Variants in KIRREL3 observed in about 807,000 individuals in gnomAD.
KIRREL3 encodes kin of IRRE-like protein 3.
In KIRREL3, 36 loss-of-function variants were observed where a neutral mutation model predicts 89.7. The observed-to-expected ratio is 0.40, with a 90% CI of 0.31 to 0.53. KIRREL3 has a LOEUF of 0.53. Among genes scored for constraint, KIRREL3 ranks in the 20% least tolerant of loss-of-function variants. The pLI is 0.49. For synonymous variants in KIRREL3, 445 were observed against 441.4 expected, an observed-to-expected ratio of 1.01 and a Z score of -0.10; for missense variants, 864 against 1,056.6, an observed-to-expected ratio of 0.82 and a Z score of 2.53.
In KIRREL3 at chr11:126,898,675, C is replaced by A. The variant is rs1266531792; in HGVS notation, c.55+101780G>T. Among the ~76,000 whole-genome samples, 1 of 151,922 alleles carries A rather than the reference C, an allele frequency of 6.6e-6. No homozygotes were observed. The highest frequency in any genetic ancestry group is 1.5e-5 in the Non-Finnish European group (1 of 68,004). Reference sequence around the variant, plus strand: ...GTACTTTACATATATTTTGGAAGACCTTTATCAAACATAGAATAGTTACCT... The same window carrying A: ...GTACTTTACATATATTTTGGAAGACATTTATCAAACATAGAATAGTTACCT... On this transcript the variant is annotated intron_variant, in intron 1 of 16. Transcript: ENST00000525144. This position sits in a 1 kb window ranked among gnomAD's most constrained non-coding sequence, Gnocchi z 4.9.
At chr11:126,556,409 G>C (rs1939708677) in intron 2 of KIRREL3, among the ~76,000 whole-genome samples, 1 of 152,182 alleles carries the variant, frequency 6.6e-6, no homozygotes, top group Non-Finnish European at 1.5e-5. Context: ...GGGAGGCCCA[G>C]GTGGGAGGAT....
intron 1 of KIRREL3, among the ~76,000 whole-genome samples, chr11:126,770,055 T>C (rs1475759426): frequency 6.6e-6 from 1 of 151,948 alleles, no homozygotes; most frequent in Non-Finnish European, 1.5e-5. Context: ...GTGAAGCCTC[T>C]TTTCTCCCGC....
At chr11:126,706,904 T>A (rs757293090) in intron 1 of KIRREL3, among the ~76,000 whole-genome samples, 1 of 152,150 alleles carries the variant, frequency 6.6e-6, no homozygotes, top group Non-Finnish European at 1.5e-5. Flanking sequence ...TATCAGTCAT[T>A]TGTGCTATAC....
chr11:126,575,958 T>C lies in KIRREL3; in HGVS notation c.56-13046A>G, dbSNP rs1304287160. ...ATACCTTTGCTATGAGACTCCCTTA[T>C]AGATGCGACCACGGTTTTGAATTTT... is the stretch of plus-strand genomic sequence containing the variant. On this transcript the variant is annotated intron_variant, in intron 1 of 16. Transcript: ENST00000525144. The surrounding 1 kb of genome is among the most constrained non-coding windows in gnomAD (Gnocchi z 7.0). Among the ~76,000 whole-genome samples, 3 of 152,318 alleles carry C rather than the reference T, an allele frequency of 2.0e-5. No homozygotes were observed. Among genetic ancestry groups the C allele is most frequent in the Non-Finnish European group, 2.9e-5 (2 of 68,026 alleles).
At chr11:126,857,332 GC>G (rs1441749463) in intron 1 of KIRREL3, among the ~76,000 whole-genome samples, 6 of 152,254 alleles carry the variant, frequency 3.9e-5, no homozygotes, top group African/African-American at 1.2e-4. Flanking sequence ...CCTCCTGCCT[GC>G]CCCAACTTGC....
intron 1 of KIRREL3, among the ~76,000 whole-genome samples, chr11:126,834,908 G>A (rs1451888400): frequency 3.9e-5 from 6 of 152,334 alleles, no homozygotes; most frequent in South Asian, 2.1e-4. Context: ...TGCTCAGAGC[G>A]TGGCAGCTCC....
chr11:126,779,576 C>T (rs1330672428), intron 1 of KIRREL3, among the ~76,000 whole-genome samples: 1 of 152,140 alleles, frequency 6.6e-6, no homozygotes, highest in Non-Finnish European at 1.5e-5. Flanking sequence ...ATGTGTATAT[C>T]TCCAGCTAGG....
Position 126,574,825 on chromosome 11 carries a change from T to A in KIRREL3, c.56-11913A>T, listed in dbSNP as rs1314903961. 1.3e-5 allele frequency among the ~76,000 whole-genome samples: 2 copies of A among 152,332 alleles called. No homozygotes were observed. The highest frequency in any genetic ancestry group is 3.9e-4 in the East Asian group (2 of 5,180). ...TCCTGCCAACCCATTCATTTGTTTA[T>A]TGATGAGCTGCTTAATACTTCTTGG... On this transcript the variant is annotated intron_variant, in intron 1 of 16. Coordinates refer to ENST00000525144, the MANE Select transcript of KIRREL3 (RefSeq NM_032531.4). This position sits in a 1 kb window ranked among gnomAD's most constrained non-coding sequence, Gnocchi z 5.3.
chr11:126,690,391 A>G (rs1946834762), intron 1 of KIRREL3, among the ~76,000 whole-genome samples: 1 of 148,558 alleles, frequency 6.7e-6, no homozygotes, highest in Non-Finnish European at 1.5e-5. Context: ...TTAGTTTCAG[A>G]GCAGTTTTAG....
chr11:126,567,300 C>T (rs372369387), intron 1 of KIRREL3, among the ~76,000 whole-genome samples: 1 of 152,178 alleles, frequency 6.6e-6, no homozygotes, highest in African/African-American at 2.4e-5. Context: ...GACACATATA[C>T]AGGGAGACGC....
At position 126,797,761 on chromosome 11, in the gene KIRREL3, C is replaced by T. The variant is rs1411279251; in HGVS notation, c.55+202694G>A. On this transcript the variant is annotated intron_variant, in intron 1 of 16. Transcript: ENST00000525144. This position sits in a 1 kb window ranked among gnomAD's most constrained non-coding sequence, Gnocchi z 4.9. The stretch of plus-strand genomic sequence containing the variant: ...TGTAATGGAAATTCAAATCACTCCA[C>T]TGAACCTGTTTTCTGATTCGTATTT... Among the ~76,000 whole-genome samples, 4 of 152,216 alleles carry T rather than the reference C, an allele frequency of 2.6e-5. No individual in the cohort carries two copies. Among genetic ancestry groups the T allele is most frequent in the South Asian group, 2.1e-4 (1 of 4,830 alleles).
chr11:126,499,613 C>A (rs188771048), intron 4 of KIRREL3, among the ~76,000 whole-genome samples: 1 of 152,246 alleles, frequency 6.6e-6, no homozygotes, highest in African/African-American at 2.4e-5. Flanking sequence ...AAGCATTGCA[C>A]GCCAAACATC....
Position 126,459,072 on chromosome 11 carries a change from C to T in KIRREL3, c.743-2618G>A, listed in dbSNP as rs911363475. On this transcript the variant is annotated intron_variant, in intron 6 of 16. Transcript: ENST00000525144. This position sits in a 1 kb window ranked among gnomAD's most constrained non-coding sequence, Gnocchi z 4.8. The stretch of plus-strand genomic sequence containing the variant: ...GGCAGAGGAGCTTGGGAATCGCCAC[C>T]GGATCCAAACGCATTGCTGGCCCGT... 1.3e-5 allele frequency among the ~76,000 whole-genome samples: 2 copies of T among 152,116 alleles called. No individual in the cohort carries two copies. Among genetic ancestry groups the T allele is most frequent in the Non-Finnish European group, 2.9e-5 (2 of 68,026 alleles).
At chr11:126,503,786 C>T (rs1430397329) in intron 4 of KIRREL3, among the ~76,000 whole-genome samples, 1 of 150,874 alleles carries the variant, frequency 6.6e-6, no homozygotes, top group Non-Finnish European at 1.5e-5. Flanking sequence ...TCTTTCCCTC[C>T]CTCTCCTTCT....
At chr11:126,886,399 C>A (rs935786443) in intron 1 of KIRREL3, among the ~76,000 whole-genome samples, 1 of 152,188 alleles carries the variant, frequency 6.6e-6, no homozygotes, top group African/African-American at 2.4e-5. Context: ...TATCTCCTAC[C>A]AGCGCTAATA....
At chr11:126,700,348 C>T (rs1400181264) in intron 1 of KIRREL3, among the ~76,000 whole-genome samples, 22 of 152,190 alleles carry the variant, frequency 1.4e-4, no homozygotes, top group Admixed American at 1.4e-3. Flanking sequence ...TTGGAAGAGG[C>T]AGCGTACCAC....
chr11:126,922,121 GTCTATCTATCTATCTATCTATCTATCTA>G, intron 1 of KIRREL3, among the ~76,000 whole-genome samples: 1 of 140,082 alleles, frequency 7.1e-6, no homozygotes, highest in Non-Finnish European at 1.5e-5. Flanking sequence ...CTATCTGTCT[GTCTATCTATCTATCTATCTATCTATCTA>G]TCTATCTATC....
At chr11:126,828,770 G>T (rs1331062017) in intron 1 of KIRREL3, among the ~76,000 whole-genome samples, 1 of 152,134 alleles carries the variant, frequency 6.6e-6, no homozygotes, top group Non-Finnish European at 1.5e-5. Context: ...CCCCATCTAG[G>T]TGTCTTAGTT....
chr11:126,717,497 C>T (rs1256017976), intron 1 of KIRREL3, among the ~76,000 whole-genome samples: 6 of 152,234 alleles, frequency 3.9e-5, no homozygotes, highest in South Asian at 4.1e-4. Context: ...AAAGTTCTCG[C>T]GGGGAACTGT....
Sources: gnomAD v4.1 joint callset for allele counts (sites outside exome capture counted in the v4.1 genomes callset) on GRCh38, gnomAD v4.1.1 for gene constraint, Gnocchi (gnomAD v3.1) non-coding constraint, MANE v1.5 for transcripts, NCBI Gene and HGNC (gene_info 2026-07-23, HGNC 2026-07-21) for gene names.